The following ACVR1 variants were observed in gnomAD, a reference collection of about 807,000 sequenced individuals.
The protein encoded by ACVR1 is activin A receptor type 1.
A neutral mutation model predicts 57.1 loss-of-function variants in ACVR1; 38 were observed. The ratio of observed to expected loss-of-function variants is 0.67; its 90% confidence interval spans 0.51 to 0.87. ACVR1 has a LOEUF of 0.87. Ranked by LOEUF, ACVR1 falls within the 40% of genes least tolerant of loss-of-function variation. ACVR1 has a pLI of 0.00. For missense variants in ACVR1, 463 were observed against 638.2 expected (o/e 0.73, Z 2.96); for synonymous variants, 212 against 228.1 (o/e 0.93, Z 0.63).
chr2:157,810,322 G>T lies in ACVR1; in HGVS notation c.-8+8063C>A, dbSNP rs190511493. 3.3e-5 allele frequency among the ~76,000 whole-genome samples: 5 copies of T among 152,266 alleles called. No individual in the cohort carries two copies. In the East Asian group the frequency reaches 9.7e-4, roughly 29 times the overall value. ...AAGACTGCCATTTAACATGAGGCAA[G>T]GAAATGGAGAAAGAGAAAACTGTAA... On this transcript the variant is annotated intron_variant, in intron 2 of 10. Coordinates refer to ENST00000434821, the MANE Select transcript of ACVR1 (RefSeq NM_001111067.4).
intron 3 of ACVR1, among the ~76,000 whole-genome samples, chr2:157,796,221 CAAA>C (rs71404304): frequency 3.3e-5 from 4 of 119,860 alleles, no homozygotes; most frequent in Non-Finnish European, 1.6e-5. Flanking sequence ...GACTCTGCCT[CAAA>C]AAAAAAAAAA....
At chr2:157,747,637 T>C (rs543293928) in intron 9 of ACVR1, among the ~76,000 whole-genome samples, 31 of 152,350 alleles carry the variant, frequency 2.0e-4, no homozygotes, top group African/African-American at 7.0e-4. Flanking sequence ...CAATTTCTCC[T>C]ACTCATTTTT....
rs1392106590 is a variant in ACVR1, at chr2:157,765,940, C to T, written c.1047G>A (p.Gln349=). The change falls in exon 8 of 11, where the codon CAG becomes CAA. Residue 349 remains glutamine, a synonymous_variant. Coordinates refer to ENST00000434821, the MANE Select transcript of ACVR1 (RefSeq NM_001111067.4). ...ATTTACCCAAATCTGCTATGCAACA[C>T]TGTCCATTCTTCTTAACCAGAATAT... ...SKNILVKKNG[Q]CCIADLGLAV... 8.1e-6 allele frequency: 13 copies of T among 1,614,000 alleles called. No individual in the cohort carries two copies. The highest frequency in any genetic ancestry group is 1.1e-5 in the Non-Finnish European group (13 of 1,180,016).
intron 7 of ACVR1, 70 bp from the exon 8 acceptor site, chr2:157,766,266 G>C: frequency 6.7e-7 from 1 of 1,492,428 alleles, no homozygotes; most frequent in Non-Finnish European, 9.3e-7. Flanking sequence ...TTTAGAAATA[G>C]CGACCTACAC....
At chr2:157,830,137 T>G (rs1470125468) in intron 1 of ACVR1, among the ~76,000 whole-genome samples, 1 of 152,156 alleles carries the variant, frequency 6.6e-6, no homozygotes, top group African/African-American at 2.4e-5. Context: ...GAGAATTGCT[T>G]GAACCCAGGA....
chr2:157,863,336 C>CTTTTTTTTTTTTTTTTTT (rs1161335923), intron 1 of ACVR1, among the ~76,000 whole-genome samples: 1 of 35,686 alleles, frequency 2.8e-5, no homozygotes, highest in African/African-American at 1.0e-4. Context: ...AATTGTTTCT[C>CTTTTTTTTTTTTTTTTTT]TTTTTTTTTT....
At chr2:157,834,268 T>C (rs1688696286) in intron 1 of ACVR1, among the ~76,000 whole-genome samples, 1 of 152,056 alleles carries the variant, frequency 6.6e-6, no homozygotes, top group Non-Finnish European at 1.5e-5. Flanking sequence ...ATTTTTTGTG[T>C]TTTTAGCAGA....
chr2:157,793,330 T>C (rs1461535549), intron 3 of ACVR1, among the ~76,000 whole-genome samples: 1 of 152,050 alleles, frequency 6.6e-6, no homozygotes, highest in East Asian at 1.9e-4. Flanking sequence ...CTGCTATCCA[T>C]ACCCCTCTTA....
intron 2 of ACVR1, among the ~76,000 whole-genome samples, chr2:157,801,165 T>C (rs1226557195): frequency 6.6e-6 from 1 of 152,204 alleles, no homozygotes; most frequent in African/African-American, 2.4e-5. Flanking sequence ...AAGTAGAAAA[T>C]AACTTGAGAC....
At chr2:157,806,687 T>C (rs957886793) in intron 2 of ACVR1, 2 of 152,178 alleles carry the variant, frequency 1.3e-5, no homozygotes, top group Admixed American at 6.5e-5. Context: ...AAATGAGACA[T>C]GGGCTGTCAG....
chr2:157,808,518 C>G (rs1264147911), intron 2 of ACVR1, among the ~76,000 whole-genome samples: 1 of 152,114 alleles, frequency 6.6e-6, no homozygotes, highest in East Asian at 1.9e-4. Flanking sequence ...CCAAGAGAGG[C>G]AGCCAAACAA....
intron 9 of ACVR1, among the ~76,000 whole-genome samples, chr2:157,742,926 G>A (rs150938460): frequency 1.6e-3 from 241 of 152,200 alleles, no homozygotes; most frequent in African/African-American, 5.6e-3. Context: ...AGTGAGATCT[G>A]TAGGAGAAAG....
intron 2 of ACVR1, among the ~76,000 whole-genome samples, chr2:157,807,300 T>C (rs1202736920): frequency 6.6e-6 from 1 of 152,206 alleles, no homozygotes; most frequent in Non-Finnish European, 1.5e-5. Context: ...ACAGAATACC[T>C]ACACTAAATT....
At chr2:157,774,208 GA>G in intron 5 of ACVR1, 21 bp from the exon 6 acceptor site, 1 of 1,596,334 alleles carries the variant, frequency 6.3e-7, no homozygotes, top group Non-Finnish European at 8.6e-7. Flanking sequence ...AGACAAGGGG[GA>G]AAAGAAACGA....
intron 3 of ACVR1, among the ~76,000 whole-genome samples, chr2:157,793,281 CT>C (rs1278283169): frequency 6.6e-6 from 1 of 152,092 alleles, no homozygotes; most frequent in Non-Finnish European, 1.5e-5. Context: ...CAATATTTGA[CT>C]TTCTTTGAAT....
At chr2:157,767,309 C>T (rs573381242) in intron 7 of ACVR1, among the ~76,000 whole-genome samples, 2 of 152,286 alleles carry the variant, frequency 1.3e-5, no homozygotes, top group Admixed American at 1.3e-4. Context: ...GCTGGGATTA[C>T]AAGCGTGAGA....
intron 6 of ACVR1, among the ~76,000 whole-genome samples, chr2:157,771,075 C>T (rs1355043734): frequency 6.6e-6 from 1 of 152,158 alleles, no homozygotes; most frequent in African/African-American, 2.4e-5. Flanking sequence ...AAAACAAAAA[C>T]AAACCAAAAC....
Position 157,757,045 on chromosome 2 carries a change from A to ATATATATATATATAT in ACVR1, c.1264+3834_1264+3835insATATATATATATATA, listed in dbSNP as rs1559039330. Among the ~76,000 whole-genome samples the ATATATATATATATAT allele has an allele frequency of 5.1e-5, 5 of 98,182 alleles. 1 individual carries two copies. The highest frequency in any genetic ancestry group is 1.2e-4 in the African/African-American group (3 of 24,094). 64.4% of individuals were successfully genotyped at this position (98,182 alleles called of 152,430 possible). A position where few individuals can be genotyped will look rare whatever the true frequency, so the allele number is the denominator to read the frequency against. ...TGATATATATATATATATATATATA[A>ATATATATATATATAT]AATAGAATACTACTAACCCATAAAA... On this transcript the variant is annotated intron_variant, in intron 9 of 10. Transcript: ENST00000434821.
intron 1 of ACVR1, among the ~76,000 whole-genome samples, chr2:157,858,900 T>C (rs1437923648): frequency 1.3e-5 from 2 of 152,176 alleles, no homozygotes; most frequent in African/African-American, 2.4e-5. Flanking sequence ...ATTACAAGCA[T>C]GAGCCAGCAT....
Sources: gnomAD v4.1 joint callset for allele counts (sites outside exome capture counted in the v4.1 genomes callset) on GRCh38, gnomAD v4.1.1 for gene constraint, MANE v1.5 for transcripts, NCBI Gene and HGNC (gene_info 2026-07-23, HGNC 2026-07-21) for gene names.